FRMPD4: variants seen among roughly 807,000 people sequenced by gnomAD.
The protein encoded by FRMPD4 is FERM and PDZ domain containing 4.
Under a neutral mutation model 94.1 loss-of-function variants are expected in FRMPD4, and 22 were observed. The ratio of observed to expected loss-of-function variants is 0.23; its 90% CI spans 0.17 to 0.33. The LOEUF is 0.33. FRMPD4 is among the 10% of genes least tolerant of loss of function. FRMPD4 has a pLI of 1.00. For missense variants in FRMPD4, 1,111 were observed against 1,339.9 expected (o/e 0.83, Z 2.67); for synonymous variants, 631 against 548.6 (o/e 1.15, Z -2.10).
In FRMPD4 at chrX:12,285,829, G is replaced by A. The variant is rs1466164233; in HGVS notation, c.41+146817G>A. ...GTATCTGAGGATTAAATGTACATCGGTTGCACATATCAAATGATAATCCTC... is the reference window on the plus strand; with the variant it reads ...GTATCTGAGGATTAAATGTACATCGATTGCACATATCAAATGATAATCCTC... On this transcript the variant is annotated intron_variant, in intron 1 of 16. Transcript: ENST00000675598. 3.6e-5 allele frequency among the ~76,000 whole-genome samples: 4 copies of A among 112,131 alleles called. No homozygotes were observed. In the East Asian group the frequency reaches 1.1e-3, roughly 31 times the overall value.
intron 3 of FRMPD4, among the ~76,000 whole-genome samples, chrX:11,960,637 T>C (rs776664444): frequency 8.9e-6 from 1 of 112,442 alleles, no homozygotes; most frequent in East Asian, 2.8e-4. Context: ...CTTTATTCTC[T>C]ATTTTAATTC....
chrX:12,021,406 T>A (rs2054631389), intron 3 of FRMPD4, among the ~76,000 whole-genome samples: 1 of 111,700 alleles, frequency 9.0e-6, no homozygotes, highest in Non-Finnish European at 1.9e-5. Context: ...GGCTGACAAA[T>A]CGAATTGATA....
At chrX:11,963,445 C>T (rs1249769011) in intron 3 of FRMPD4, among the ~76,000 whole-genome samples, 1 of 112,225 alleles carries the variant, frequency 8.9e-6, no homozygotes, top group Non-Finnish European at 1.9e-5. Context: ...CCAGGCACAT[C>T]CTGCTAAAAT....
At chrX:12,700,229 T>A (rs767295375) in intron 9 of FRMPD4, among the ~76,000 whole-genome samples, 1 of 112,004 alleles carries the variant, frequency 8.9e-6, no homozygotes, top group South Asian at 3.8e-4. Flanking sequence ...GAAATACTTT[T>A]GTTTCTGAGG....
chrX:12,225,081 C>A (rs2056908025), intron 1 of FRMPD4, among the ~76,000 whole-genome samples: 1 of 111,626 alleles, frequency 9.0e-6, no homozygotes, highest in African/African-American at 3.3e-5. Flanking sequence ...ATGAAATAAA[C>A]AATATGCTAA....
intron 1 of FRMPD4, among the ~76,000 whole-genome samples, chrX:12,420,910 C>T (rs1281757680): frequency 3.6e-5 from 4 of 112,325 alleles, no homozygotes; most frequent in East Asian, 5.5e-4. Context: ...TGAGGAAATT[C>T]GTATTTCTTT....
chrX:12,714,285 G>A (rs1162699852), intron 14 of FRMPD4, among the ~76,000 whole-genome samples: 1 of 111,295 alleles, frequency 9.0e-6, no homozygotes, highest in Non-Finnish European at 1.9e-5. Flanking sequence ...GGCTTTAGGG[G>A]AGGATTTCTC....
chrX:12,210,910 A>T (rs1282338884), intron 1 of FRMPD4, among the ~76,000 whole-genome samples: 3 of 112,613 alleles, frequency 2.7e-5, no homozygotes, highest in Non-Finnish European at 5.6e-5. Flanking sequence ...TGAAGGTTTT[A>T]AAATGTCAAA....
chrX:12,632,293 C>T (rs1029583029), intron 4 of FRMPD4, among the ~76,000 whole-genome samples: 4 of 111,187 alleles, frequency 3.6e-5, no homozygotes, highest in East Asian at 5.7e-4. Flanking sequence ...TCCTCATCCC[C>T]GCAAAAGGTT....
chrX:12,460,340 C>CAGGTCACAA (rs1451639008), intron 1 of FRMPD4, among the ~76,000 whole-genome samples: 1 of 111,899 alleles, frequency 8.9e-6, no homozygotes, highest in Non-Finnish European at 1.9e-5. Flanking sequence ...TTACCTAACT[C>CAGGTCACAA]AGGGTCACAA....
intron 3 of FRMPD4, among the ~76,000 whole-genome samples, chrX:11,930,361 T>C (rs1215400002): frequency 9.1e-6 from 1 of 110,443 alleles, no homozygotes; most frequent in East Asian, 2.9e-4. Flanking sequence ...GCAAATAAAT[T>C]AGTAAGGATC....
chrX:12,211,965 A>G (rs1178339116), intron 1 of FRMPD4, among the ~76,000 whole-genome samples: 1 of 111,842 alleles, frequency 8.9e-6, no homozygotes, highest in Non-Finnish European at 1.9e-5. Flanking sequence ...AAAAGTACTA[A>G]TTCTGTGAGT....
chrX:12,514,001 T>C (rs371636982), intron 2 of FRMPD4, among the ~76,000 whole-genome samples: 2 of 111,395 alleles, frequency 1.8e-5, no homozygotes, highest in African/African-American at 6.5e-5. Flanking sequence ...ACTTCATTCA[T>C]GGTTTGGCTC....
chrX:12,484,602 G>A (rs374584299), intron 1 of FRMPD4, among the ~76,000 whole-genome samples: 5 of 111,207 alleles, frequency 4.5e-5, no homozygotes, highest in South Asian at 3.9e-4. Context: ...TCTTGCTCTC[G>A]GTAATTTCAC....
chrX:12,371,089 C>T (rs1985880896), intron 1 of FRMPD4, among the ~76,000 whole-genome samples: 2 of 112,547 alleles, frequency 1.8e-5, no homozygotes, highest in Admixed American at 1.9e-4. Flanking sequence ...TTTTATTTAA[C>T]ATTAAATTGC....
chrX:12,615,850 T>C (rs1292589987), intron 4 of FRMPD4, among the ~76,000 whole-genome samples: 1 of 110,812 alleles, frequency 9.0e-6, no homozygotes, highest in Non-Finnish European at 1.9e-5. Flanking sequence ...ACCAACCTAA[T>C]ACATCTGTAC....
intron 1 of FRMPD4, among the ~76,000 whole-genome samples, chrX:12,263,769 T>G (rs756109697): frequency 9.1e-6 from 1 of 109,724 alleles, no homozygotes; most frequent in Admixed American, 9.6e-5. Flanking sequence ...TATAACAGAA[T>G]ACCACAGACT....
chrX:11,942,181 T>A (rs756015226), intron 3 of FRMPD4, among the ~76,000 whole-genome samples: 1 of 110,795 alleles, frequency 9.0e-6, no homozygotes, highest in East Asian at 2.8e-4. Context: ...TTCAACCTCT[T>A]ACCCTGGGGG....
intron 3 of FRMPD4, among the ~76,000 whole-genome samples, chrX:12,002,418 G>T (rs1306264078): frequency 8.9e-6 from 1 of 112,086 alleles, no homozygotes; most frequent in African/African-American, 3.2e-5. Context: ...CTAATTACAG[G>T]ATGATGCTAT....
Sources: allele counts gnomAD v4.1 joint callset (sites outside exome capture counted in the v4.1 genomes callset), GRCh38; gene constraint gnomAD v4.1.1; transcripts MANE v1.5; gene names NCBI Gene and HGNC (gene_info 2026-07-23, HGNC 2026-07-21).